LARP4B: variants seen among roughly 807,000 people sequenced by gnomAD.
The protein encoded by LARP4B is la-related protein 4B.
LARP4B carries 12 observed loss-of-function variants against 89.8 expected under a neutral mutation model. The ratio of observed to expected loss-of-function variants is 0.13; its 90% CI spans 0.09 to 0.22. The LOEUF (loss-of-function observed/expected upper bound fraction) is 0.22. Ranked by LOEUF, LARP4B falls within the 10% of genes least tolerant of loss-of-function variation. The pLI is 1.00. For missense variants in LARP4B, 757 were observed against 947.7 expected (o/e 0.80, Z 2.64); for synonymous variants, 367 against 363.3 (o/e 1.01, Z -0.12).
chr10:979,476 A>C, the LARP4B span, among the ~76,000 whole-genome samples: 1 of 152,298 alleles, frequency 6.6e-6, no homozygotes, highest in African/African-American at 2.4e-5. Context: ...CCCTTTCTGC[A>C]GGGCTGAGCC....
At chr10:864,724 C>T (rs747953852) in intron 3 of LARP4B, among the ~76,000 whole-genome samples, 7 of 152,228 alleles carry the variant, frequency 4.6e-5, no homozygotes, top group Non-Finnish European at 7.3e-5. Context: ...GAGGCCAAGG[C>T]GGGCGGATCA....
chr10:810,575 G>A lies in LARP4B; in HGVS notation c.*2351C>T, dbSNP rs1388238432. 4 of 152,296 alleles carry A rather than the reference G, an allele frequency of 2.6e-5. No homozygotes were observed. The highest frequency in any genetic ancestry group is 4.4e-5 in the Non-Finnish European group (3 of 68,032). The allele number at this position is 152,296 out of a possible 1,614,324, so 9.4% of individuals were successfully genotyped here. A position where few individuals can be genotyped will look rare whatever the true frequency, so the allele number is the denominator to read the frequency against. On this transcript the variant is annotated 3_prime_UTR_variant, in exon 18 of 18. Coordinates refer to ENST00000316157, the MANE Select transcript of LARP4B (RefSeq NM_015155.3). Reference sequence around the variant, plus strand: ...GGCTCTAACCACACACACACACTGCGCTGCAATGCTCACACCTTGGGGGAA... The same window carrying A: ...GGCTCTAACCACACACACACACTGCACTGCAATGCTCACACCTTGGGGGAA...
At chr10:883,502 C>A (rs1041967491) in intron 3 of LARP4B, among the ~76,000 whole-genome samples, 1 of 151,896 alleles carries the variant, frequency 6.6e-6, no homozygotes, top group African/African-American at 2.4e-5. Flanking sequence ...AAGAGGGAAA[C>A]TCTGTTTCAA....
intron 3 of LARP4B, among the ~76,000 whole-genome samples, chr10:880,735 T>C (rs542170269): frequency 5.3e-5 from 8 of 152,190 alleles, no homozygotes; most frequent in Admixed American, 2.0e-4. Flanking sequence ...GAATTGTACA[T>C]AGAGTTTAGT....
chr10:859,358 T>G (rs894301755), intron 5 of LARP4B, among the ~76,000 whole-genome samples: 1 of 151,600 alleles, frequency 6.6e-6, no homozygotes, highest in Non-Finnish European at 1.5e-5. Context: ...ATGGTGGGAA[T>G]GTAAAATACT....
At chr10:960,278 C>T in the LARP4B span, among the ~76,000 whole-genome samples, 1 of 152,018 alleles carries the variant, frequency 6.6e-6, no homozygotes, top group Non-Finnish European at 1.5e-5. Context: ...ATTACTAGGC[C>T]AGTAAAATGA....
intron 7 of LARP4B, among the ~76,000 whole-genome samples, chr10:837,343 C>T (rs1226033854): frequency 6.6e-6 from 1 of 152,198 alleles, no homozygotes; most frequent in African/African-American, 2.4e-5. Context: ...TACATAAAGA[C>T]ATATTCTGTG....
chr10:827,008 C>T (rs1355547034), intron 11 of LARP4B, among the ~76,000 whole-genome samples: 1 of 152,210 alleles, frequency 6.6e-6, no homozygotes, highest in African/African-American at 2.4e-5. Flanking sequence ...GGCGCAGTGG[C>T]TCATGCCTAT....
intron 3 of LARP4B, among the ~76,000 whole-genome samples, chr10:874,299 T>C (rs1835366375): frequency 6.6e-6 from 1 of 152,162 alleles, no homozygotes. Context: ...AAGTTAATGA[T>C]GCTGCATTTG....
At chr10:827,891 A>G (rs1832713825) in intron 11 of LARP4B, among the ~76,000 whole-genome samples, 1 of 152,192 alleles carries the variant, frequency 6.6e-6, no homozygotes, top group South Asian at 2.1e-4. Context: ...GCTACTTCAA[A>G]AAGCCAGAAA....
chr10:836,694 C>T (rs1833238402), intron 7 of LARP4B, among the ~76,000 whole-genome samples, 188 bp from the exon 8 acceptor site: 2 of 152,168 alleles, frequency 1.3e-5, no homozygotes, highest in Admixed American at 6.5e-5. Flanking sequence ...CTGCAGGAGC[C>T]ATAATGTATG....
chr10:842,465 G>A (rs1002959755), intron 7 of LARP4B, among the ~76,000 whole-genome samples: 1 of 151,788 alleles, frequency 6.6e-6, no homozygotes, highest in African/African-American at 2.4e-5. Context: ...AAAAGTGCTG[G>A]GATTACACGC....
chr10:831,172 G>T (rs2131666316), intron 8 of LARP4B, among the ~76,000 whole-genome samples, 195 bp from the exon 9 acceptor site: 1 of 151,496 alleles, frequency 6.6e-6, no homozygotes, highest in Middle Eastern at 3.4e-3. Flanking sequence ...ATGCCATAGA[G>T]AAAAGCAGTC....
chr10:839,586 C>T (rs1385513612), intron 7 of LARP4B, among the ~76,000 whole-genome samples: 2 of 152,076 alleles, frequency 1.3e-5, no homozygotes, highest in Admixed American at 6.6e-5. Flanking sequence ...GATGTTAAAG[C>T]CTCAACAAGA....
chr10:843,165 G>A (rs1165596785), intron 6 of LARP4B, 97 bp from the exon 7 acceptor site: 3 of 1,055,532 alleles, frequency 2.8e-6, no homozygotes, highest in East Asian at 5.1e-5. Flanking sequence ...AGTGTGGCAT[G>A]GTATTGCTTT....
chr10:841,254 A>G (rs1833507718), intron 7 of LARP4B, among the ~76,000 whole-genome samples: 1 of 152,252 alleles, frequency 6.6e-6, no homozygotes, highest in African/African-American at 2.4e-5. Flanking sequence ...CATCCTCTTA[A>G]GAGCTACAAT....
the LARP4B span, among the ~76,000 whole-genome samples, chr10:969,475 G>T: frequency 6.6e-6 from 1 of 152,126 alleles, no homozygotes; most frequent in Non-Finnish European, 1.5e-5. Flanking sequence ...CACACCTGTA[G>T]TCCCAGCACT....
At chr10:987,770 G>C in the LARP4B span, 2 of 152,240 alleles carry the variant, frequency 1.3e-5, no homozygotes, top group Admixed American at 6.5e-5. Context: ...ACTGTCTCTC[G>C]CAACTGTTCC....
intron 3 of LARP4B, among the ~76,000 whole-genome samples, chr10:883,164 C>T (rs922979262): frequency 2.0e-5 from 3 of 152,208 alleles, no homozygotes; most frequent in Non-Finnish European, 4.4e-5. Context: ...TACTTTATGT[C>T]TTATATAATT....
Sources: gnomAD v4.1 joint callset for allele counts (sites outside exome capture counted in the v4.1 genomes callset) on GRCh38, gnomAD v4.1.1 for gene constraint, MANE v1.5 for transcripts, NCBI Gene and HGNC (gene_info 2026-07-23, HGNC 2026-07-21) for gene names.